Variants in SLC44A5 observed in about 807,000 individuals in gnomAD.
The protein encoded by SLC44A5 is choline transporter-like protein 5.
SLC44A5 carries 57 observed loss-of-function variants against 101.8 expected under a neutral mutation model. The ratio of observed to expected loss-of-function variants is 0.56; its 90% CI spans 0.45 to 0.70. The LOEUF (loss-of-function observed/expected upper bound fraction) is 0.70, where lower values mean the gene tolerates loss of function less well. SLC44A5 is among the 30% of genes least tolerant of loss of function. SLC44A5 has a pLI of 0.00. For missense variants in SLC44A5, 737 were observed against 853.1 expected (o/e 0.86, Z 1.70); for synonymous variants, 281 against 290.9 (o/e 0.97, Z 0.35).
intron 2 of SLC44A5, among the ~76,000 whole-genome samples, chr1:75,420,574 G>A (rs893328380): frequency 1.3e-5 from 2 of 152,094 alleles, no homozygotes; most frequent in African/African-American, 4.8e-5. Context: ...GCTGTTCATA[G>A]AAACACAAAT....
At chr1:75,516,512 G>T (rs560234135) in intron 2 of SLC44A5, among the ~76,000 whole-genome samples, 13 of 151,978 alleles carry the variant, frequency 8.6e-5, no homozygotes, top group Non-Finnish European at 1.9e-4. Flanking sequence ...GCAAGATTCC[G>T]TCTTACTAAA....
Position 75,535,492 on chromosome 1 carries a change from G to A in SLC44A5, c.13+5943C>T, listed in dbSNP as rs183105305. On this transcript the variant is annotated intron_variant, in intron 2 of 23. Coordinates refer to ENST00000370859, the MANE Select transcript of SLC44A5 (RefSeq NM_001130058.2). ...TCAGAAAAATCCAGCCACAAAGCTG[G>A]AGTGATTCTCACCTTAGCCCCCTAA... Among the ~76,000 whole-genome samples, 729 of 152,244 alleles carry A rather than the reference G, an allele frequency of 4.8e-3. 3 individuals carry two copies. Among genetic ancestry groups the A allele is most frequent in the Non-Finnish European group, 8.0e-3 (547 of 68,012 alleles).
At chr1:75,656,801 A>G in the SLC44A5 span, among the ~76,000 whole-genome samples, 1 of 152,208 alleles carries the variant, frequency 6.6e-6, no homozygotes, top group Non-Finnish European at 1.5e-5. Flanking sequence ...AAGTAACAAA[A>G]TGGTAGTAGT....
At chr1:75,714,932 C>G in the SLC44A5 span, among the ~76,000 whole-genome samples, 1 of 152,164 alleles carries the variant, frequency 6.6e-6, no homozygotes, top group Non-Finnish European at 1.5e-5. Flanking sequence ...CCTCAGCATC[C>G]CAAAGTGCTG....
At position 75,495,080 on chromosome 1, in the gene SLC44A5, A is replaced by C. The variant is rs114689370; in HGVS notation, c.13+46355T>G. ...CAGAAACCAACTAGGAAAATGAGGA[A>C]ACGGAAATATGTGACAAACAGAAGA... On this transcript the variant is annotated intron_variant, in intron 2 of 23. Transcript: ENST00000370859. Among the ~76,000 whole-genome samples the C allele has an allele frequency of 3.7e-3, 558 of 152,274 alleles. 6 individuals are homozygous for C. The highest frequency in any genetic ancestry group is 0.012 in the African/African-American group (511 of 41,550).
chr1:75,604,782 G>A (rs1675223530), intron 1 of SLC44A5, among the ~76,000 whole-genome samples: 1 of 150,590 alleles, frequency 6.6e-6, no homozygotes, highest in African/African-American at 2.4e-5. Flanking sequence ...TGTGTGTACT[G>A]TAAATTAGGC....
intron 1 of SLC44A5, among the ~76,000 whole-genome samples, chr1:75,596,354 G>A (rs1312709566): frequency 1.3e-5 from 2 of 152,078 alleles, no homozygotes; most frequent in East Asian, 3.9e-4. Flanking sequence ...ATTCACAGCT[G>A]AATTCTACCA....
intron 1 of SLC44A5, among the ~76,000 whole-genome samples, chr1:75,599,774 T>C (rs1224180089): frequency 6.6e-6 from 1 of 152,158 alleles, no homozygotes; most frequent in Non-Finnish European, 1.5e-5. Flanking sequence ...AGAATGTGTA[T>C]GGCCCCCAGT....
chr1:75,347,011 T>C (rs78795823), intron 3 of SLC44A5, among the ~76,000 whole-genome samples: 5,160 of 152,190 alleles, frequency 0.034, 278 homozygotes, highest in African/African-American at 0.11. Context: ...AGTAAATGAA[T>C]AAAGATTGGG....
intron 2 of SLC44A5, among the ~76,000 whole-genome samples, chr1:75,481,276 T>C (rs1342451689): frequency 2.0e-5 from 3 of 152,190 alleles, no homozygotes; most frequent in Non-Finnish European, 4.4e-5. Flanking sequence ...AAGACTTAAA[T>C]GTTAGACCTA....
At position 75,330,194 on chromosome 1, in the gene SLC44A5, T is replaced by TATGCATATATATACGTATAC. The variant is rs71071940; in HGVS notation, c.101+9387_101+9388insGTATACGTATATATATGCAT. On this transcript the variant is annotated intron_variant, in intron 4 of 23. Coordinates refer to ENST00000370859, the MANE Select transcript of SLC44A5 (RefSeq NM_001130058.2). The stretch of plus-strand genomic sequence containing the variant: ...GTATATATGCATATATATACGTATA[T>TATGCATATATATACGTATAC]GCATATATATATATTCTAGATTAAT... Among the ~76,000 whole-genome samples, 20 of 150,532 alleles carry TATGCATATATATACGTATAC rather than the reference T, an allele frequency of 1.3e-4. 1 individual carries two copies. In the Admixed American group the frequency reaches 1.3e-3, roughly 10 times the overall value.
chr1:75,647,791 C>A, the SLC44A5 span, among the ~76,000 whole-genome samples: 1 of 152,100 alleles, frequency 6.6e-6, no homozygotes, highest in Non-Finnish European at 1.5e-5. Flanking sequence ...GGAATGGGAG[C>A]ATTTACCCAA....
chr1:75,558,567 T>A (rs1043980277), intron 1 of SLC44A5, among the ~76,000 whole-genome samples: 1 of 152,212 alleles, frequency 6.6e-6, no homozygotes, highest in East Asian at 1.9e-4. Flanking sequence ...GTAGGTTGGT[T>A]AGCTGCTTTT....
the SLC44A5 span, among the ~76,000 whole-genome samples, chr1:75,714,849 T>C: frequency 1.3e-5 from 2 of 152,122 alleles, no homozygotes; most frequent in Non-Finnish European, 2.9e-5. Context: ...AATTTTTGTA[T>C]TTTTAGTAGA....
intron 2 of SLC44A5, among the ~76,000 whole-genome samples, chr1:75,500,138 C>T (rs1159141917): frequency 2.6e-5 from 4 of 152,174 alleles, no homozygotes; most frequent in Admixed American, 2.0e-4. Context: ...CCATTGTGAA[C>T]CCAATATTGC....
chr1:75,461,426 C>T (rs1388912950), intron 2 of SLC44A5, among the ~76,000 whole-genome samples: 1 of 152,034 alleles, frequency 6.6e-6, no homozygotes, highest in African/African-American at 2.4e-5. Context: ...ATTATTAGTT[C>T]ACTGGAGTAA....
intron 1 of SLC44A5, among the ~76,000 whole-genome samples, chr1:75,541,981 G>T (rs966502780): frequency 2.6e-5 from 4 of 151,926 alleles, no homozygotes; most frequent in Admixed American, 2.6e-4. Context: ...AGGGCGAGGG[G>T]TTTTTTAAAT....
At chr1:75,369,620 G>A (rs1331071790) in intron 3 of SLC44A5, among the ~76,000 whole-genome samples, 30 of 152,002 alleles carry the variant, frequency 2.0e-4, no homozygotes, top group Admixed American at 2.0e-3. Flanking sequence ...CCAAATAGAG[G>A]TTGATTCTTA....
the SLC44A5 span, among the ~76,000 whole-genome samples, chr1:75,694,694 TA>T: frequency 6.6e-6 from 1 of 152,190 alleles, no homozygotes; most frequent in Non-Finnish European, 1.5e-5. Flanking sequence ...CAATGCTCAT[TA>T]AAATCTATGT....
Sources: allele counts gnomAD v4.1 joint callset (sites outside exome capture counted in the v4.1 genomes callset), GRCh38; gene constraint gnomAD v4.1.1; transcripts MANE v1.5; gene names NCBI Gene and HGNC (gene_info 2026-07-23, HGNC 2026-07-21).